DPYD: variants seen among roughly 807,000 people sequenced by gnomAD.
DPYD encodes the protein dihydropyrimidine dehydrogenase.
A neutral mutation model predicts 116.2 loss-of-function variants in DPYD; 109 were observed. The ratio of observed to expected loss-of-function variants is 0.94; its 90% CI spans 0.80 to 1.10. The LOEUF is 1.10. Among genes scored for constraint, DPYD ranks in the 50% least tolerant of loss-of-function variants. The probability of loss-of-function intolerance (pLI) is 0.00; values close to 1 mark genes in which losing one functional copy is unlikely to be tolerated. For missense variants in DPYD, 1,302 were observed against 1,254.5 expected (o/e 1.04, Z -0.57); for synonymous variants, 440 against 432.0 (o/e 1.02, Z -0.23).
chr1:97,641,237 T>G (rs960786877), intron 8 of DPYD, among the ~76,000 whole-genome samples: 11 of 152,110 alleles, frequency 7.2e-5, no homozygotes, highest in Non-Finnish European at 1.3e-4. Context: ...TTGTACACAG[T>G]GCGTAGTGGG....
chr1:97,732,367 C>T (rs561066083), intron 4 of DPYD, among the ~76,000 whole-genome samples: 2 of 150,610 alleles, frequency 1.3e-5, no homozygotes, highest in African/African-American at 4.9e-5. Context: ...CTCAGCTACT[C>T]AGGAGGCTGA....
chr1:97,159,948 T>C (rs1175885030), intron 20 of DPYD, among the ~76,000 whole-genome samples: 1 of 151,976 alleles, frequency 6.6e-6, no homozygotes, highest in African/African-American at 2.4e-5. Context: ...TCTCCCTCCT[T>C]CCCTCTCTCC....
chr1:97,614,435 A>C (rs1656143416), intron 8 of DPYD, among the ~76,000 whole-genome samples: 1 of 152,094 alleles, frequency 6.6e-6, no homozygotes, highest in Non-Finnish European at 1.5e-5. Context: ...CACAAGTTTG[A>C]CAGGATAAAA....
At chr1:97,880,747 A>G (rs117754925) in intron 2 of DPYD, among the ~76,000 whole-genome samples, 1 of 151,778 alleles carries the variant, frequency 6.6e-6, no homozygotes, top group Non-Finnish European at 1.5e-5. Flanking sequence ...TCTTTTGTGC[A>G]TATATATATA....
At chr1:97,282,718 C>T (rs1033694787) in intron 18 of DPYD, among the ~76,000 whole-genome samples, 2 of 152,134 alleles carry the variant, frequency 1.3e-5, no homozygotes, top group Admixed American at 6.6e-5. Context: ...TCACCCTCCT[C>T]CTAACCTCCT....
chr1:97,483,928 A>C (rs1053154797), intron 13 of DPYD, among the ~76,000 whole-genome samples: 1 of 152,188 alleles, frequency 6.6e-6, no homozygotes, highest in East Asian at 1.9e-4. Flanking sequence ...CCAGTCTCAG[A>C]TATTCTGTTG....
At chr1:97,408,549 T>G (rs1673802037) in intron 14 of DPYD, among the ~76,000 whole-genome samples, 1 of 152,146 alleles carries the variant, frequency 6.6e-6, no homozygotes, top group African/African-American at 2.4e-5. Context: ...TGTCTTTATT[T>G]GGAGATTATG....
chr1:97,811,419 A>G (rs939852743), intron 3 of DPYD, among the ~76,000 whole-genome samples: 3 of 152,112 alleles, frequency 2.0e-5, no homozygotes, highest in South Asian at 2.1e-4. Flanking sequence ...CAAATGTTCA[A>G]TGCCACTGTG....
At chr1:97,616,822 C>T (rs1004561836) in intron 8 of DPYD, among the ~76,000 whole-genome samples, 44 of 152,240 alleles carry the variant, frequency 2.9e-4, no homozygotes, top group African/African-American at 9.1e-4. Context: ...GAATATTTCA[C>T]TATTGCATTA....
At chr1:97,776,343 G>A (rs1666406706) in intron 3 of DPYD, among the ~76,000 whole-genome samples, 1 of 152,104 alleles carries the variant, frequency 6.6e-6, no homozygotes. Context: ...TTCATGAACT[G>A]TGCTGAAGTC....
intron 14 of DPYD, among the ~76,000 whole-genome samples, chr1:97,442,094 TG>T (rs1675828662): frequency 6.6e-6 from 1 of 152,106 alleles, no homozygotes; most frequent in Non-Finnish European, 1.5e-5. Context: ...ATGCATGAGC[TG>T]ATCTGTACTC....
intron 1 of DPYD, among the ~76,000 whole-genome samples, chr1:97,909,735 G>A (rs1673832710): frequency 2.0e-5 from 3 of 152,000 alleles, no homozygotes; most frequent in African/African-American, 7.2e-5. Context: ...CCCTTGTTGA[G>A]CTACGCTGTC....
chr1:97,296,676 A>G (rs1440205446), intron 18 of DPYD, among the ~76,000 whole-genome samples: 3 of 152,132 alleles, frequency 2.0e-5, no homozygotes, highest in Admixed American at 6.6e-5. Context: ...AATTTTTAAA[A>G]TGTAAAAGTC....
intron 4 of DPYD, among the ~76,000 whole-genome samples, chr1:97,738,165 T>C (rs906807020): frequency 2.0e-5 from 3 of 152,308 alleles, no homozygotes; most frequent in Non-Finnish European, 2.9e-5. Context: ...ACTATATTTA[T>C]AGACTGATCT....
At chr1:97,379,856 A>G (rs939089521) in intron 15 of DPYD, among the ~76,000 whole-genome samples, 1 of 152,188 alleles carries the variant, frequency 6.6e-6, no homozygotes, top group Non-Finnish European at 1.5e-5. Flanking sequence ...AAGTGATGAG[A>G]GAATGGGTGA....
chr1:97,210,736 A>G (rs1056152952), intron 19 of DPYD, among the ~76,000 whole-genome samples: 1 of 152,122 alleles, frequency 6.6e-6, no homozygotes, highest in African/African-American at 2.4e-5. Flanking sequence ...ATTTTCACGG[A>G]GGTGTTTCCT....
At chr1:97,411,107 G>T (rs747514581) in intron 14 of DPYD, among the ~76,000 whole-genome samples, 7 of 152,112 alleles carry the variant, frequency 4.6e-5, no homozygotes, top group Non-Finnish European at 8.8e-5. Context: ...CACGCAGCTG[G>T]ATGATTCTTT....
chr1:97,638,658 A>G (rs1054239260), intron 8 of DPYD, among the ~76,000 whole-genome samples: 2 of 152,134 alleles, frequency 1.3e-5, no homozygotes, highest in East Asian at 3.9e-4. Flanking sequence ...CATGGCACTC[A>G]TATCTGTTTG....
chr1:97,251,490 G>A (rs1479782549), intron 18 of DPYD, among the ~76,000 whole-genome samples: 1 of 151,476 alleles, frequency 6.6e-6, no homozygotes, highest in Non-Finnish European at 1.5e-5. Context: ...ATCATCTACA[G>A]TACATCATGT....
Sources: allele counts gnomAD v4.1 joint callset (sites outside exome capture counted in the v4.1 genomes callset), GRCh38; gene constraint gnomAD v4.1.1; transcripts MANE v1.5; gene names NCBI Gene and HGNC (gene_info 2026-07-23, HGNC 2026-07-21).